The following VPS54 variants were observed in gnomAD, a reference collection of about 807,000 sequenced individuals.
VPS54 encodes the protein vacuolar protein sorting-associated protein 54.
In VPS54, 45 loss-of-function variants were observed where a neutral mutation model predicts 121.5. The observed-to-expected ratio is 0.37, with a 90% confidence interval of 0.29 to 0.47. The LOEUF is 0.47. VPS54 is among the 20% of genes least tolerant of loss of function. VPS54 has a pLI of 0.99. For missense variants in VPS54, 1,090 were observed against 1,131.4 expected, an observed-to-expected ratio of 0.96 and a Z score of 0.52; for synonymous variants, 371 against 385.8, an observed-to-expected ratio of 0.96 and a Z score of 0.45.
intron 5 of VPS54, among the ~76,000 whole-genome samples, chr2:63,967,259 G>C (rs1412115473): frequency 6.6e-6 from 1 of 152,080 alleles, no homozygotes; most frequent in Non-Finnish European, 1.5e-5. Flanking sequence ...AGAGACATGA[G>C]TAAATTTTCT....
Position 63,893,311 on chromosome 2 carries a change from T to C in VPS54, c.*119A>G, listed in dbSNP as rs1347864343. 2.2e-6 allele frequency: 2 copies of C among 889,336 alleles called. No homozygotes were observed. Among genetic ancestry groups the C allele is most frequent in the Non-Finnish European group, 3.8e-6 (2 of 522,718 alleles). 55.1% of individuals were successfully genotyped at this position (889,336 alleles called of 1,614,324 possible). ...ACACTTGATACTTTCCTTTTTCCCT[T>C]CCCCCACCCCAGTTCACTTTGGGTT... On this transcript the variant is annotated 3_prime_UTR_variant, in exon 23 of 23. Coordinates refer to ENST00000272322, the MANE Select transcript of VPS54 (RefSeq NM_016516.3).
rs764515091 is a variant in VPS54 at position 64,005,089 on chromosome 2, CTTTTTTTTTTTTTTT to C, written c.-21+13834_-21+13848del. On this transcript the variant is annotated intron_variant, in intron 1 of 22. Transcript: ENST00000272322. The stretch of plus-strand genomic sequence containing the variant: ...TACCATGCCCAGTCTACTATTGCTT[CTTTTTTTTTTTTTTT>C]TTTTTTTTTTTTTTTTTGAGACGGA... 3.2e-4 allele frequency among the ~76,000 whole-genome samples: 14 copies of C among 44,106 alleles called. No homozygotes were observed. The Admixed American group carries it at 3.3e-3, about 10-fold the overall frequency. 28.9% of individuals were successfully genotyped at this position (44,106 alleles called of 152,430 possible). A position where few individuals can be genotyped will look rare whatever the true frequency, so the allele number is the denominator to read the frequency against.
At chr2:63,913,120 CTTTGGTTAGAGCCAT>C in intron 18 of VPS54, 88 bp downstream of exon 18, 1 of 909,818 alleles carries the variant, frequency 1.1e-6, no homozygotes, top group Non-Finnish European at 1.6e-6. Context: ...AGTAATGCCA[CTTTGGTTAGAGCCAT>C]GAAAACATGA....
At chr2:63,959,549 C>T (rs1675655603) in intron 7 of VPS54, among the ~76,000 whole-genome samples, 1 of 152,074 alleles carries the variant, frequency 6.6e-6, no homozygotes, top group Non-Finnish European at 1.5e-5. Flanking sequence ...AGATATTGAG[C>T]AAAATGTAGA....
chr2:63,920,657 T>C (rs1337937600), intron 13 of VPS54, 30 bp from the exon 14 acceptor site: 3 of 1,355,016 alleles, frequency 2.2e-6, no homozygotes, highest in South Asian at 2.0e-5. Flanking sequence ...TCATGAGAGT[T>C]AGTGTAACAC....
intron 1 of VPS54, among the ~76,000 whole-genome samples, chr2:64,011,148 T>C (rs954277558): frequency 6.6e-6 from 1 of 152,226 alleles, no homozygotes; most frequent in Non-Finnish European, 1.5e-5. Flanking sequence ...GATATCTTTA[T>C]CAGGAAGAAA....
intron 7 of VPS54, among the ~76,000 whole-genome samples, chr2:63,954,995 A>G (rs889113869): frequency 3.9e-5 from 6 of 152,062 alleles, no homozygotes; most frequent in African/African-American, 1.4e-4. Context: ...AAGAATTTTG[A>G]GACTAACAGG....
intron 1 of VPS54, among the ~76,000 whole-genome samples, chr2:63,990,772 C>T (rs540598638): frequency 1.3e-5 from 2 of 152,338 alleles, no homozygotes; most frequent in East Asian, 1.9e-4. Context: ...CTTACCCAGT[C>T]ACACTAGAAC....
At chr2:63,985,459 G>A (rs1444145332) in intron 1 of VPS54, among the ~76,000 whole-genome samples, 1 of 152,018 alleles carries the variant, frequency 6.6e-6, no homozygotes, top group East Asian at 1.9e-4. Flanking sequence ...TCAAAGCAAA[G>A]GAAACATAAC....
intron 16 of VPS54, among the ~76,000 whole-genome samples, chr2:63,915,264 T>C (rs536300381): frequency 6.6e-6 from 1 of 150,600 alleles, no homozygotes; most frequent in East Asian, 2.0e-4. Flanking sequence ...TTAAAGAAGA[T>C]TGAAATTAAG....
At chr2:63,990,153 C>A (rs1201848248) in intron 1 of VPS54, among the ~76,000 whole-genome samples, 1 of 152,176 alleles carries the variant, frequency 6.6e-6, no homozygotes, top group Non-Finnish European at 1.5e-5. Context: ...TCTTCTCCAA[C>A]TTTCCTCTCC....
At chr2:63,910,985 T>C (rs1402123674) in intron 20 of VPS54, among the ~76,000 whole-genome samples, 1 of 152,162 alleles carries the variant, frequency 6.6e-6, no homozygotes, top group African/African-American at 2.4e-5. Flanking sequence ...CACAGCTCAC[T>C]GCAGGCTGGA....
At chr2:64,009,346 C>T (rs192967277) in intron 1 of VPS54, among the ~76,000 whole-genome samples, 3 of 152,078 alleles carry the variant, frequency 2.0e-5, no homozygotes, top group Admixed American at 1.3e-4. Flanking sequence ...GATGGAGTCT[C>T]GCTGTGTCGC....
chr2:63,912,312 G>C lies in VPS54; in HGVS notation c.2625+33C>G, dbSNP rs1475167980. 3 of 1,530,610 alleles carry C rather than the reference G, an allele frequency of 2.0e-6. No individual in the cohort carries two copies. In the South Asian group the frequency reaches 3.5e-5, roughly 18 times the overall value. The allele number at this position is 1,530,610 out of a possible 1,614,324, so 94.8% of individuals were successfully genotyped here. On this transcript the variant is annotated intron_variant, in intron 20 of 22. Transcript: ENST00000272322. The stretch of plus-strand genomic sequence containing the variant: ...TAAAATAGAAAATCATAATGTCTTT[G>C]AACAAAGTCTAATAATTTCTATAAA...
chr2:63,952,889 G>A (rs2104537015), intron 7 of VPS54, among the ~76,000 whole-genome samples: 1 of 152,092 alleles, frequency 6.6e-6, no homozygotes, highest in Non-Finnish European at 1.5e-5. Flanking sequence ...AAATACCAAA[G>A]AACATACATT....
intron 13 of VPS54, 27 bp from the exon 14 acceptor site, chr2:63,920,654 A>T: frequency 7.3e-7 from 1 of 1,379,052 alleles, no homozygotes; most frequent in Non-Finnish European, 9.5e-7. Context: ...AAATCATGAG[A>T]GTTAGTGTAA....
At chr2:63,914,023 T>C in intron 17 of VPS54, 159 bp downstream of exon 17, 6 of 1,051,068 alleles carry the variant, frequency 5.7e-6, no homozygotes, top group South Asian at 5.0e-5. Flanking sequence ...AGGCAGCCTG[T>C]TTCCAATAAC....
At position 63,949,172 on chromosome 2, in the gene VPS54, G is replaced by A; in HGVS notation, c.1011-9C>T. 1 of 1,599,948 alleles carries A rather than the reference G, an allele frequency of 6.3e-7. No homozygotes were observed. The highest frequency in any genetic ancestry group is 1.1e-5 in the South Asian group (1 of 88,298). ...GCTGTGATCCCAAATGCCTAAAAAGGAAGAGAAAAATGTTATATTTATATT... is the reference window on the plus strand; with the variant it reads ...GCTGTGATCCCAAATGCCTAAAAAGAAAGAGAAAAATGTTATATTTATATT... On this transcript the variant is annotated splice_polypyrimidine_tract_variant and intron_variant, in intron 7 of 22. Coordinates refer to ENST00000272322, the MANE Select transcript of VPS54 (RefSeq NM_016516.3).
At chr2:63,895,521 A>T (rs1373163065) in intron 22 of VPS54, among the ~76,000 whole-genome samples, 1 of 152,110 alleles carries the variant, frequency 6.6e-6, no homozygotes, top group African/African-American at 2.4e-5. Flanking sequence ...TGGGTACAGG[A>T]TTTTCTTTTG....
Sources: allele counts gnomAD v4.1 joint callset (sites outside exome capture counted in the v4.1 genomes callset), GRCh38; gene constraint gnomAD v4.1.1; transcripts MANE v1.5; gene names NCBI Gene and HGNC (gene_info 2026-07-23, HGNC 2026-07-21).